The following INPP5F variants were observed in gnomAD, a reference collection of about 807,000 sequenced individuals.
INPP5F encodes the protein phosphatidylinositide 4-phosphatase SAC2.
In INPP5F, 97 loss-of-function variants were observed where a neutral mutation model predicts 137.2. That is an observed-to-expected ratio of 0.71 (90% CI 0.60 to 0.84). The LOEUF (loss-of-function observed/expected upper bound fraction) is 0.84, where lower values mean the gene tolerates loss of function less well. INPP5F is among the 40% of genes least tolerant of loss of function. INPP5F has a pLI of 0.00. For missense variants in INPP5F, 1,271 were observed against 1,371.9 expected, an observed-to-expected ratio of 0.93 and a Z score of 1.16; for synonymous variants, 504 against 476.9, an observed-to-expected ratio of 1.06 and a Z score of -0.74.
At chr10:119,804,484 G>C (rs1039596964) in intron 10 of INPP5F, among the ~76,000 whole-genome samples, 187 bp downstream of exon 10, 5 of 152,160 alleles carry the variant, frequency 3.3e-5, no homozygotes, top group African/African-American at 1.2e-4. Context: ...AAAATTTAGA[G>C]TTGATTCCAA....
chr10:119,757,683 C>T (rs371140457), intron 2 of INPP5F, among the ~76,000 whole-genome samples: 4 of 151,680 alleles, frequency 2.6e-5, no homozygotes, highest in South Asian at 2.1e-4. Context: ...CCCAGCCACT[C>T]GGGAGGCTGA....
intron 18 of INPP5F, 142 bp downstream of exon 18, chr10:119,823,341 AAATAGCAAC>A: frequency 1.4e-6 from 1 of 717,730 alleles, no homozygotes; most frequent in Non-Finnish European, 2.2e-6. Context: ...TGAGACCTTG[AAATAGCAAC>A]TCTGTTTCCA....
At chr10:119,808,139 T>C (rs1850873001) in intron 13 of INPP5F, 79 bp downstream of exon 13, 2 of 1,506,386 alleles carry the variant, frequency 1.3e-6, no homozygotes, top group South Asian at 1.3e-5. Flanking sequence ...CAGAAATGTG[T>C]GTGGGTTCCA....
At chr10:119,747,907 T>A (rs1269147358) in intron 1 of INPP5F, among the ~76,000 whole-genome samples, 1 of 152,150 alleles carries the variant, frequency 6.6e-6, no homozygotes, top group African/African-American at 2.4e-5. Flanking sequence ...TTAGAAAAAA[T>A]TACTTAAAAA....
Position 119,826,626 on chromosome 10 carries a change from T to C in INPP5F, c.2250-5T>C. On this transcript the variant is annotated splice_region_variant and splice_polypyrimidine_tract_variant and intron_variant, in intron 19 of 19. Transcript: ENST00000650623. ...AATTAACTTTTTTTCTCTTCTAATT[T>C]GTAGGAAGAGCAGTAAACCTCACGA... The C allele has an allele frequency of 6.4e-7, 1 of 1,559,036 alleles. No individual in the cohort carries two copies. The highest frequency in any genetic ancestry group is 8.6e-7 in the Non-Finnish European group (1 of 1,157,798).
chr10:119,789,527 G>A (rs2134200233), intron 3 of INPP5F, among the ~76,000 whole-genome samples: 1 of 152,128 alleles, frequency 6.6e-6, no homozygotes, highest in East Asian at 1.9e-4. Flanking sequence ...GAGAAGGGGA[G>A]TGATGGTCGT....
chr10:119,751,706 A>G (rs112332000), intron 2 of INPP5F, among the ~76,000 whole-genome samples: 2,388 of 152,334 alleles, frequency 0.016, 76 homozygotes, highest in African/African-American at 0.055. Flanking sequence ...GTGGGAAAGT[A>G]TAACAGGTAT....
At chr10:119,772,684 C>T (rs1167904699) in intron 2 of INPP5F, among the ~76,000 whole-genome samples, 1 of 152,100 alleles carries the variant, frequency 6.6e-6, no homozygotes, top group South Asian at 2.1e-4. Flanking sequence ...AATTGGGGGG[C>T]ATGGCTTGCA....
At chr10:119,811,658 TC>T in intron 14 of INPP5F, 98 bp from the exon 15 acceptor site, 1 of 924,800 alleles carries the variant, frequency 1.1e-6, no homozygotes, top group Non-Finnish European at 1.6e-6. Flanking sequence ...TGTGTTTTCT[TC>T]CAAGAGCTTT....
intron 2 of INPP5F, among the ~76,000 whole-genome samples, chr10:119,765,423 G>A (rs757541887): frequency 6.6e-6 from 1 of 152,072 alleles, no homozygotes; most frequent in Non-Finnish European, 1.5e-5. Flanking sequence ...ACAGGCTGGA[G>A]TGAAGTGGCG....
chr10:119,729,259 T>C (rs1023284485), intron 1 of INPP5F, among the ~76,000 whole-genome samples: 4 of 151,706 alleles, frequency 2.6e-5, no homozygotes, highest in African/African-American at 9.7e-5. Flanking sequence ...GATTCTCCTG[T>C]TTCAGACTTC....
Position 119,795,862 on chromosome 10 carries a change from G to A in INPP5F, c.670-853G>A, listed in dbSNP as rs183737688. Reference sequence around the variant, plus strand: ...AGGCCAAGGCTGGCGGATCACTCGCGGTTAGGAGCTGGAGACCAGCCCGGC... The same window carrying A: ...AGGCCAAGGCTGGCGGATCACTCGCAGTTAGGAGCTGGAGACCAGCCCGGC... On this transcript the variant is annotated intron_variant, in intron 6 of 19. Transcript: ENST00000650623. Among the ~76,000 whole-genome samples, 829 of 152,304 alleles carry A rather than the reference G, an allele frequency of 5.4e-3. 23 individuals carry two copies. Among genetic ancestry groups the A allele is most frequent in the Admixed American group, 0.052 (796 of 15,296 alleles).
At position 119,792,031 on chromosome 10, in the gene INPP5F, C is replaced by CAGAAGG; in HGVS notation, c.608_612+1dup. The CAGAAGG allele has an allele frequency of 6.2e-7, 1 of 1,614,184 alleles. No individual in the cohort carries two copies. The highest frequency in any genetic ancestry group is 8.5e-7 in the Non-Finnish European group (1 of 1,180,040). ...GGAGAGGGACGGTCGGCCCCTCTGGCAGAAGGTACCACTCACAGCTCGTAG... is the reference window on the plus strand; with the variant it reads ...GGAGAGGGACGGTCGGCCCCTCTGGCAGAAGGAGAAGGTACCACTCACAGCTCGTAG... On this transcript the variant is annotated inframe_insertion, in exon 5 of 20. Transcript: ENST00000650623.
In INPP5F at chr10:119,745,506, T is replaced by C. The variant is rs554942631; in HGVS notation, c.98-5570T>C. ...CTTTTGTTTCTGGTACTTACATACATCTATGAGTTCACTAGGTGTTGATGT... is the reference window on the plus strand; with the variant it reads ...CTTTTGTTTCTGGTACTTACATACACCTATGAGTTCACTAGGTGTTGATGT... On this transcript the variant is annotated intron_variant, in intron 1 of 19. Transcript: ENST00000650623. Among the ~76,000 whole-genome samples, 30 of 152,132 alleles carry C rather than the reference T, an allele frequency of 2.0e-4. No homozygotes were observed. In the East Asian group the frequency reaches 5.8e-3, roughly 29 times the overall value.
At chr10:119,786,824 A>C (rs1488335244) in intron 3 of INPP5F, among the ~76,000 whole-genome samples, 1 of 152,082 alleles carries the variant, frequency 6.6e-6, no homozygotes, top group African/African-American at 2.4e-5. Context: ...CTGGCCAGTA[A>C]TTTTAGATTT....
chr10:119,799,364 T>C (rs1388459289), intron 9 of INPP5F: 3 of 418,394 alleles, frequency 7.2e-6, no homozygotes, highest in South Asian at 3.6e-5. Flanking sequence ...AAAGATAGCA[T>C]GTATATGGAG....
At chr10:119,759,889 C>G (rs1440121238) in intron 2 of INPP5F, among the ~76,000 whole-genome samples, 1 of 152,150 alleles carries the variant, frequency 6.6e-6, no homozygotes, top group Non-Finnish European at 1.5e-5. Flanking sequence ...GTCCTTCTCT[C>G]TTTGCTCCCC....
At chr10:119,780,394 G>A (rs73355837) in intron 2 of INPP5F, among the ~76,000 whole-genome samples, 1,599 of 152,130 alleles carry the variant, frequency 0.011, 33 homozygotes, top group African/African-American at 0.037. Flanking sequence ...GGGCAACATG[G>A]CAAAACCCCA....
At chr10:119,800,359 C>A (rs1227816635) in intron 9 of INPP5F, among the ~76,000 whole-genome samples, 3 of 150,176 alleles carry the variant, frequency 2.0e-5, no homozygotes, top group African/African-American at 7.3e-5. Flanking sequence ...TTTGAGACCA[C>A]CCTGGTCAGC....
Sources: allele counts gnomAD v4.1 joint callset (sites outside exome capture counted in the v4.1 genomes callset), GRCh38; gene constraint gnomAD v4.1.1; transcripts MANE v1.5; gene names NCBI Gene and HGNC (gene_info 2026-07-23, HGNC 2026-07-21).